Variants in KLK8 observed in about 807,000 individuals in gnomAD.
KLK8 encodes the protein kallikrein-8.
KLK8 carries 18 observed loss-of-function variants against 26.7 expected under a neutral mutation model. The ratio of observed to expected loss-of-function variants is 0.67; its 90% CI spans 0.47 to 1.00. The LOEUF (loss-of-function observed/expected upper bound fraction) is 1.00. Ranked by LOEUF, KLK8 falls within the 50% of genes least tolerant of loss-of-function variation. The probability of loss-of-function intolerance (pLI) is 0.00; values close to 1 mark genes in which losing one functional copy is unlikely to be tolerated. For synonymous variants in KLK8, 137 were observed against 127.1 expected (o/e 1.08, Z -0.52); for missense variants, 301 against 331.7 (o/e 0.91, Z 0.72).
At chr19:50,997,765 C>A (rs1476066232) in exon 6 of KLK8, 2 of 1,614,066 alleles carry the variant, frequency 1.2e-6, no homozygotes, top group East Asian at 4.5e-5. Flanking sequence ...CACGTGTCAG[C>A]CCCTTTGCTG....
At chr19:51,001,578 G>C (rs2091227768) in exon 2 of KLK8, 1 of 179,718 alleles carries the variant, frequency 5.6e-6, no homozygotes, top group Non-Finnish European at 1.2e-5. Flanking sequence ...GGACCCAGTG[G>C]AGGAGGCCCC....
intron 5 of KLK8, 26 bp from the exon 5 acceptor site, chr19:50,997,910 C>T (rs767733558): frequency 7.4e-6 from 12 of 1,612,964 alleles, no homozygotes; most frequent in Non-Finnish European, 6.8e-6. Flanking sequence ...TTGTAAGGTT[C>T]CCTGAGAGAG....
exon 7 of KLK8, chr19:50,996,066 T>C: frequency 6.2e-7 from 1 of 1,614,192 alleles, no homozygotes; most frequent in Non-Finnish European, 8.5e-7. Flanking sequence ...GAATCAGCCC[T>C]TGCTGCCTAT....
At position 51,000,377 on chromosome 19, in the gene KLK8, C is replaced by T. The variant is rs771535459; in HGVS notation, c.230+47G>A. 8 of 1,561,100 alleles carry T rather than the reference C, an allele frequency of 5.1e-6. No homozygotes were observed. In the Admixed American group the frequency reaches 8.9e-5, roughly 17 times the overall value. Reference sequence around the variant, plus strand: ...CTTCCTGAGTCGAAACCCCAGCCCCCTCTTTCCTTAAGCCCCAGCTGACCT... The same window carrying T: ...CTTCCTGAGTCGAAACCCCAGCCCCTTCTTTCCTTAAGCCCCAGCTGACCT... On this transcript the variant is annotated intron_variant, in intron 4 of 6. Transcript: ENST00000600767.
At chr19:51,000,189 C>G in exon 5 of KLK8, 4 of 1,609,758 alleles carry the variant, frequency 2.5e-6, no homozygotes, top group Non-Finnish European at 3.4e-6. Flanking sequence ...TGGACTGAAC[C>G]ACAGGTATTT....
At chr19:51,000,522 C>T (rs1424217203) in exon 4 of KLK8, 1 of 1,613,980 alleles carries the variant, frequency 6.2e-7, no homozygotes, top group African/African-American at 1.3e-5. Flanking sequence ...CCTGCCAAGG[C>T]TGCGAATGGG....
intron 6 of KLK8, among the ~76,000 whole-genome samples, chr19:50,997,031 C>CT (rs1273679921): frequency 4.6e-5 from 7 of 151,922 alleles, no homozygotes; most frequent in Non-Finnish European, 1.0e-4. Context: ...GGCAGTATCG[C>CT]TGATGGAAAC....
exon 7 of KLK8, chr19:50,996,098 G>A: frequency 1.9e-6 from 3 of 1,614,224 alleles, no homozygotes; most frequent in Non-Finnish European, 2.5e-6. Flanking sequence ...TCCAGTCCAG[G>A]TAGCGGCAGA....
intron 6 of KLK8, among the ~76,000 whole-genome samples, chr19:50,997,160 T>G (rs2091177880): frequency 6.6e-6 from 1 of 152,062 alleles, no homozygotes; most frequent in Non-Finnish European, 1.5e-5. Context: ...AACAACGAAG[T>G]TGCAGTTAGA....
chr19:51,000,511 GC>G lies in KLK8; in HGVS notation c.142del (p.Ala48ArgfsTer16), dbSNP rs1340957552. On this transcript the variant is annotated frameshift_variant, in exon 4 of 7. Transcript: ENST00000600767. LOFTEE classifies it high-confidence loss of function. ...TAGTTGCTGGCCCTGGAACAAGGCC[GC>G]CTGCCAAGGCTGCGAATGGGGTTGG... 1 of 1,613,888 alleles carries G rather than the reference GC, an allele frequency of 6.2e-7. No homozygotes were observed. Among genetic ancestry groups the G allele is most frequent in the Non-Finnish European group, 8.5e-7 (1 of 1,180,012 alleles).
At chr19:50,998,087 C>A in intron 5 of KLK8, 1 of 581,260 alleles carries the variant, frequency 1.7e-6, no homozygotes, top group Admixed American at 3.2e-5. Flanking sequence ...CTTTCTCCAT[C>A]TAGAGAGGGG....
At chr19:50,997,730 A>C (rs200489064) in intron 6 of KLK8, 21 bp downstream of exon 5, 8 of 1,613,348 alleles carry the variant, frequency 5.0e-6, no homozygotes, top group Non-Finnish European at 6.8e-6. Context: ...TGTGAGGAGA[A>C]GGATTTCAGA....
exon 7 of KLK8, chr19:50,996,034 G>C: frequency 6.2e-7 from 1 of 1,612,206 alleles, no homozygotes; most frequent in Non-Finnish European, 8.5e-7. Flanking sequence ...AGTTTATTAA[G>C]GGAGATCTAG....
At chr19:50,997,982 G>T in intron 5 of KLK8, 98 bp from the exon 5 acceptor site, 5 of 1,480,734 alleles carry the variant, frequency 3.4e-6, no homozygotes, top group Non-Finnish European at 4.6e-6. Context: ...TGTAATGGGG[G>T]AGTTTTCCAG....
Position 50,996,184 on chromosome 19 carries a change from C to T in KLK8, c.658G>A (p.Gly220Ser), listed in dbSNP as rs1399036206. The stretch of plus-strand genomic sequence containing the variant: ...CAGGATGTGATGCCCTGGAGTGCAC[C>T]ATCACACACCAGGGGGCCTCCAGAA... Residue 220 changes from glycine to serine, a missense_variant, in exon 7 of 7, where the codon GGT becomes AGT. Gly to Ser is a moderately conservative substitution (Grantham distance 56, BLOSUM62 0). Transcript: ENST00000600767. 1.2e-6 allele frequency: 2 copies of T among 1,614,192 alleles called. No individual in the cohort carries two copies. The highest frequency in any genetic ancestry group is 3.3e-5 in the Admixed American group (2 of 60,024).
chr19:50,999,647 G>GCTTAGGAGC (rs1187217071), intron 5 of KLK8, among the ~76,000 whole-genome samples: 4 of 139,508 alleles, frequency 2.9e-5, no homozygotes, highest in Non-Finnish European at 6.0e-5. Context: ...GGGAGAAGGT[G>GCTTAGGAGC]CTTAGGAGCC....
At chr19:50,997,760 G>A (rs769185260) in exon 6 of KLK8, 22 of 1,613,946 alleles carry the variant, frequency 1.4e-5, no homozygotes, top group Middle Eastern at 3.3e-4. Context: ...CCTGGCACGT[G>A]TCAGCCCCTT....
At chr19:51,000,168 G>A (rs546947248) in exon 5 of KLK8, 2 of 1,613,668 alleles carry the variant, frequency 1.2e-6, no homozygotes. Flanking sequence ...TGTTGTAGCA[G>A]GGGTGTGGGA....
chr19:51,000,135 G>T, exon 5 of KLK8: 1 of 1,614,068 alleles, frequency 6.2e-7, no homozygotes, highest in Non-Finnish European at 8.5e-7. Context: ...TCAGATCATG[G>T]TTGTGGTCCT....
Sources: gnomAD v4.1 joint callset for allele counts (sites outside exome capture counted in the v4.1 genomes callset) on GRCh38, gnomAD v4.1.1 for gene constraint, MANE v1.5 for transcripts, NCBI Gene and HGNC (gene_info 2026-07-23, HGNC 2026-07-21) for gene names.